NHSL2: variants seen among roughly 807,000 people sequenced by gnomAD.
NHSL2 encodes the protein NHS like 2, also known as NHS-like protein 2.
A neutral mutation model predicts 53.4 loss-of-function variants in NHSL2; 27 were observed. The ratio of observed to expected loss-of-function variants is 0.51; its 90% CI spans 0.37 to 0.70. NHSL2 has a LOEUF of 0.70. NHSL2 is among the 30% of genes least tolerant of loss of function. NHSL2 has a pLI of 0.00. For synonymous variants in NHSL2, 408 were observed against 404.1 expected (o/e 1.01, Z -0.12); for missense variants, 892 against 980.1 (o/e 0.91, Z 1.20).
chrX:72,040,088 G>A (rs1400995777), intron 1 of NHSL2, among the ~76,000 whole-genome samples: 1 of 112,391 alleles, frequency 8.9e-6, no homozygotes, highest in Non-Finnish European at 1.9e-5. Flanking sequence ...GCAGAGTTCA[G>A]CTTGGGGCTA....
rs2042433625 is a variant in NHSL2, at chrX:72,143,243, T to C, written c.3357-10T>C. On this transcript the variant is annotated splice_polypyrimidine_tract_variant and intron_variant, in intron 7 of 7. Coordinates refer to ENST00000633930, the MANE Select transcript of NHSL2 (RefSeq NM_001013627.3). ...ATTAACTCACTCAGACCAAACTTTC[T>C]CTTATCTAGGTCCAAAAGGAAGCTG... 8.8e-7 allele frequency: 1 copy of C among 1,138,341 alleles called. No individual in the cohort carries two copies. The highest frequency in any genetic ancestry group is 1.2e-6 in the Non-Finnish European group (1 of 855,995). 93.8% of individuals were successfully genotyped at this position (1,138,341 alleles called of 1,213,427 possible). A position where few individuals can be genotyped will look rare whatever the true frequency, so the allele number is the denominator to read the frequency against.
chrX:72,110,289 C>CA (rs1413382142), intron 1 of NHSL2, among the ~76,000 whole-genome samples: 1 of 110,847 alleles, frequency 9.0e-6, no homozygotes, highest in Non-Finnish European at 1.9e-5. Context: ...GATTCATGTG[C>CA]AAAAAAAGTT....
rs983235470 is a variant in NHSL2, at chrX:72,087,736, G to C, written c.281-44343G>C. ...AATACAAAAAAATTAGCCAGGCGTG[G>C]TGGCACGCACCTATAATCCCAGCTA... On this transcript the variant is annotated intron_variant, in intron 1 of 7. Transcript: ENST00000633930. Among the ~76,000 whole-genome samples, 23 of 111,426 alleles carry C rather than the reference G, an allele frequency of 2.1e-4. No individual in the cohort carries two copies. The East Asian group carries it at 6.5e-3, about 31-fold the overall frequency.
At chrX:71,913,674 G>A (rs1024917681) in intron 1 of NHSL2, among the ~76,000 whole-genome samples, 1 of 111,750 alleles carries the variant, frequency 8.9e-6, no homozygotes, top group Non-Finnish European at 1.9e-5. Flanking sequence ...AAGGTGGGAG[G>A]AAGGTTGGAA....
intron 1 of NHSL2, among the ~76,000 whole-genome samples, chrX:72,081,562 C>T (rs931251479): frequency 9.0e-6 from 1 of 111,512 alleles, no homozygotes; most frequent in African/African-American, 3.3e-5. Flanking sequence ...TTTGGCCTCC[C>T]TCATCTCTCT....
intron 1 of NHSL2, among the ~76,000 whole-genome samples, chrX:72,038,910 G>C (rs1473088636): frequency 9.0e-6 from 1 of 111,694 alleles, no homozygotes; most frequent in Non-Finnish European, 1.9e-5. Flanking sequence ...AGAAAGCAGA[G>C]AGGGTGATTA....
At chrX:72,030,754 C>T (rs577856188) in intron 1 of NHSL2, among the ~76,000 whole-genome samples, 2 of 111,997 alleles carry the variant, frequency 1.8e-5, no homozygotes, top group African/African-American at 6.5e-5. Context: ...TGGCTAATTT[C>T]GAGCTACCAA....
intron 1 of NHSL2, among the ~76,000 whole-genome samples, chrX:72,061,026 C>T (rs934304877): frequency 2.7e-5 from 3 of 112,001 alleles, no homozygotes; most frequent in Admixed American, 9.4e-5. Context: ...TCCAAATATA[C>T]CATCACTACC....
At position 72,134,645 on chromosome X, in the gene NHSL2, A is replaced by C; in HGVS notation, c.701A>C (p.Glu234Ala). The C allele has an allele frequency of 8.6e-7, 1 of 1,167,326 alleles. No individual in the cohort carries two copies. The highest frequency in any genetic ancestry group is 1.9e-5 in the South Asian group (1 of 52,760). Reference sequence around the variant, plus strand: ...CTTTTCCCTCTGCCCATCCTAGAGGAGAAGCGGTGGCCTCAGCTTTGCTCC... The same window carrying C: ...CTTTTCCCTCTGCCCATCCTAGAGGCGAAGCGGTGGCCTCAGCTTTGCTCC... ...NSLFPLPILEEKRWPQLCSTQ... is the reference protein window; with the variant it reads ...NSLFPLPILEAKRWPQLCSTQ... The change falls in exon 4 of 8, where the codon GAG becomes GCG. Residue 234 changes from glutamate (E) to alanine (A), a missense_variant. Physicochemically the swap from Glu to Ala is moderately radical, Grantham distance 107. Coordinates refer to ENST00000633930, the MANE Select transcript of NHSL2 (RefSeq NM_001013627.3).
At chrX:72,053,538 C>G (rs2042352498) in intron 1 of NHSL2, among the ~76,000 whole-genome samples, 1 of 111,760 alleles carries the variant, frequency 8.9e-6, no homozygotes, top group Non-Finnish European at 1.9e-5. Context: ...TCCATGATTT[C>G]ACAGAGATAT....
chrX:72,029,525 C>A, intron 1 of NHSL2, among the ~76,000 whole-genome samples: 1 of 112,728 alleles, frequency 8.9e-6, no homozygotes, highest in Non-Finnish European at 1.9e-5. Flanking sequence ...GCTAACTTAT[C>A]CTTGTCCACC....
chrX:72,039,630 C>T (rs889148109), intron 1 of NHSL2, among the ~76,000 whole-genome samples: 2 of 111,794 alleles, frequency 1.8e-5, no homozygotes, highest in Non-Finnish European at 1.9e-5. Flanking sequence ...AGGTCAGCTG[C>T]GTCCTGTGTG....
chrX:71,976,416 T>C (rs1162964533), intron 1 of NHSL2, among the ~76,000 whole-genome samples: 1 of 111,907 alleles, frequency 8.9e-6, no homozygotes, highest in African/African-American at 3.2e-5. Context: ...TAAGCTGGAA[T>C]AAGTACTCAA....
chrX:72,122,933 C>T (rs781279106), intron 1 of NHSL2, among the ~76,000 whole-genome samples: 31 of 113,015 alleles, frequency 2.7e-4, no homozygotes, highest in African/African-American at 9.6e-4. Context: ...TCCCACTGAA[C>T]CACAGTCTTG....
intron 1 of NHSL2, among the ~76,000 whole-genome samples, chrX:72,088,684 G>A (rs1011576761): frequency 9.0e-6 from 1 of 111,541 alleles, no homozygotes; most frequent in African/African-American, 3.3e-5. Flanking sequence ...CCACCAGACT[G>A]ACCAGGCTGC....
chrX:72,095,653 T>C (rs1299901631), intron 1 of NHSL2, among the ~76,000 whole-genome samples: 3 of 111,474 alleles, frequency 2.7e-5, no homozygotes, highest in African/African-American at 9.8e-5. Context: ...AGCCAAGAAA[T>C]ATCAAAGTGC....
chrX:71,962,014 T>A (rs2041869796), intron 1 of NHSL2, among the ~76,000 whole-genome samples: 1 of 112,281 alleles, frequency 8.9e-6, no homozygotes, highest in Non-Finnish European at 1.9e-5. Flanking sequence ...ATTTGCTGAG[T>A]GTTTTATTAT....
At chrX:71,956,288 C>T (rs1169904538) in intron 1 of NHSL2, among the ~76,000 whole-genome samples, 1 of 112,113 alleles carries the variant, frequency 8.9e-6, no homozygotes, top group Non-Finnish European at 1.9e-5. Flanking sequence ...ATTTCCATCA[C>T]CCCTAAAAGT....
chrX:72,043,640 A>C (rs2042288631), intron 1 of NHSL2, among the ~76,000 whole-genome samples: 1 of 111,556 alleles, frequency 9.0e-6, no homozygotes, highest in African/African-American at 3.3e-5. Flanking sequence ...CCCTTTTCTT[A>C]GGGGCTGCCA....
Sources: allele counts gnomAD v4.1 joint callset (sites outside exome capture counted in the v4.1 genomes callset), GRCh38; gene constraint gnomAD v4.1.1; transcripts MANE v1.5; gene names NCBI Gene and HGNC (gene_info 2026-07-23, HGNC 2026-07-21).